Variants in PDK1 observed in about 807,000 individuals in gnomAD.
PDK1 encodes [Pyruvate dehydrogenase (acetyl-transferring)] kinase isozyme 1, mitochondrial.
In PDK1, 39 loss-of-function variants were observed where a neutral mutation model predicts 54.2. The ratio of observed to expected loss-of-function variants is 0.72; its 90% CI spans 0.56 to 0.94. The LOEUF is 0.94. PDK1 is among the 40% of genes least tolerant of loss of function. PDK1 has a pLI of 0.00. For missense variants in PDK1, 552 were observed against 566.0 expected (o/e 0.98, Z 0.25); for synonymous variants, 221 against 207.1 (o/e 1.07, Z -0.58).
the PDK1 span, among the ~76,000 whole-genome samples, chr2:172,681,536 A>G: frequency 9.2e-5 from 14 of 152,342 alleles, 1 homozygote; most frequent in Admixed American, 7.8e-4. Context: ...CATTCAACAA[A>G]TATTCATTGA....
intron 2 of PDK1, among the ~76,000 whole-genome samples, chr2:172,559,952 TC>T (rs1407347377): frequency 5.9e-5 from 9 of 152,302 alleles, no homozygotes; most frequent in African/African-American, 2.2e-4. Context: ...GCTCAGGTGA[TC>T]CTCCCACCTC....
the PDK1 span, among the ~76,000 whole-genome samples, chr2:172,661,258 TG>T: frequency 6.6e-6 from 1 of 152,338 alleles, no homozygotes; most frequent in East Asian, 1.9e-4. Context: ...TTAGGAATTT[TG>T]CAACCTGGTG....
the PDK1 span, among the ~76,000 whole-genome samples, chr2:172,683,475 G>A: frequency 2.0e-5 from 3 of 152,184 alleles, no homozygotes; most frequent in Non-Finnish European, 4.4e-5. Flanking sequence ...TCCAGTCATG[G>A]CAGAAGGTGA....
At chr2:172,717,199 G>A in the PDK1 span, among the ~76,000 whole-genome samples, 4 of 152,182 alleles carry the variant, frequency 2.6e-5, no homozygotes, top group Admixed American at 6.5e-5. Flanking sequence ...CACTCTAGGG[G>A]AAACCATGTT....
chr2:172,673,980 C>T, the PDK1 span, among the ~76,000 whole-genome samples: 1 of 152,240 alleles, frequency 6.6e-6, no homozygotes, highest in African/African-American at 2.4e-5. Context: ...TAAGTTTGAG[C>T]TTCCTTGGAT....
the PDK1 span, among the ~76,000 whole-genome samples, chr2:172,620,093 T>A: frequency 6.6e-6 from 1 of 152,246 alleles, no homozygotes; most frequent in Admixed American, 6.5e-5. Flanking sequence ...TTGAGCCTGG[T>A]AGGCGGAGGT....
At chr2:172,698,655 G>C in the PDK1 span, among the ~76,000 whole-genome samples, 4 of 152,240 alleles carry the variant, frequency 2.6e-5, no homozygotes, top group African/African-American at 9.6e-5. Flanking sequence ...GCTGTGGGAA[G>C]CCTCAGCATT....
chr2:172,659,135 C>T, the PDK1 span, among the ~76,000 whole-genome samples: 1 of 152,164 alleles, frequency 6.6e-6, no homozygotes, highest in Non-Finnish European at 1.5e-5. Flanking sequence ...AGTCCTACCA[C>T]TATGTGACGT....
the PDK1 span, among the ~76,000 whole-genome samples, chr2:172,689,895 C>T: frequency 1.3e-5 from 2 of 150,210 alleles, no homozygotes; most frequent in East Asian, 2.1e-4. Context: ...ACCATAAAAA[C>T]CCTAGAAGAA....
At chr2:172,649,482 G>A in the PDK1 span, among the ~76,000 whole-genome samples, 1 of 152,306 alleles carries the variant, frequency 6.6e-6, no homozygotes, top group East Asian at 1.9e-4. Context: ...GGTGGAGAAT[G>A]ACTTTGACGA....
rs1027876399 is a variant in PDK1 at position 172,601,711 on chromosome 2, G to A, written c.*5742G>A. The A allele has an allele frequency of 6.6e-6, 1 of 152,154 alleles. No homozygotes were observed. The highest frequency in any genetic ancestry group is 2.4e-5 in the African/African-American group (1 of 41,426). 9.4% of individuals were successfully genotyped at this position (152,154 alleles called of 1,614,324 possible). On this transcript the variant is annotated 3_prime_UTR_variant, in exon 11 of 11. Coordinates refer to ENST00000282077, the MANE Select transcript of PDK1 (RefSeq NM_002610.5). ...ATACTCGCTGGGTTAGCTGGGGTAG[G>A]TAAAGCCACAGCTGTGGCAGCAACC... is the stretch of plus-strand genomic sequence containing the variant.
rs1488896650 is a variant in PDK1, at chr2:172,600,815, A to G, written c.*4846A>G. On this transcript the variant is annotated 3_prime_UTR_variant, in exon 11 of 11. Transcript: ENST00000282077. The stretch of plus-strand genomic sequence containing the variant: ...AGCTCTTATCCCATTCCTTGACCAC[A>G]TAGGCTCTTAGACTCTTATTCTATG... 6.6e-6 allele frequency: 1 copy of G among 152,198 alleles called. No individual in the cohort carries two copies. The highest frequency in any genetic ancestry group is 6.5e-5 in the Admixed American group (1 of 15,278). The allele number at this position is 152,198 out of a possible 1,614,324, so 9.4% of individuals were successfully genotyped here.
intron 3 of PDK1, 109 bp downstream of exon 3, chr2:172,562,400 G>A (rs947369949): frequency 1.4e-6 from 1 of 724,274 alleles, no homozygotes; most frequent in Non-Finnish European, 2.5e-6. Context: ...ATATGTGACT[G>A]TAGCAGCCCA....
At chr2:172,570,557 C>A in intron 7 of PDK1, 169 bp from the exon 8 acceptor site, 1 of 473,992 alleles carries the variant, frequency 2.1e-6, no homozygotes, top group Non-Finnish European at 3.7e-6. Context: ...CAAATCCCCC[C>A]CAAATTGACT....
the PDK1 span, among the ~76,000 whole-genome samples, chr2:172,673,607 A>C: frequency 0.99 from 151,470 of 152,294 alleles, 75,336 homozygotes; most frequent in Non-Finnish European, 1. Flanking sequence ...CCTGCTCATG[A>C]CTGACTAGCT....
the PDK1 span, among the ~76,000 whole-genome samples, chr2:172,678,585 A>G: frequency 1.4e-4 from 22 of 152,210 alleles, no homozygotes; most frequent in Non-Finnish European, 2.8e-4. Context: ...GCTTTTTGAT[A>G]TAAACCAAAA....
the PDK1 span, among the ~76,000 whole-genome samples, chr2:172,683,156 C>T: frequency 2.0e-5 from 3 of 151,882 alleles, no homozygotes; most frequent in African/African-American, 4.8e-5. Flanking sequence ...ACCATTCTGG[C>T]GAACACAGTG....
chr2:172,652,315 A>G, the PDK1 span, among the ~76,000 whole-genome samples: 1,097 of 152,358 alleles, frequency 7.2e-3, 19 homozygotes, highest in African/African-American at 0.025. Context: ...GATAGGATGT[A>G]TCTCAAAATA....
rs1391120993 is a variant in PDK1 at position 172,594,230 on chromosome 2, G to A, written c.1170+1182G>A. On this transcript the variant is annotated intron_variant, in intron 10 of 10. Transcript: ENST00000282077. ...AGTAGAGATGGGGTTTGACCACGCTGGCTAGGCTGATCTCGAACTCCTGAC... is the reference window on the plus strand; with the variant it reads ...AGTAGAGATGGGGTTTGACCACGCTAGCTAGGCTGATCTCGAACTCCTGAC... Among the ~76,000 whole-genome samples the A allele has an allele frequency of 2.0e-5, 3 of 152,112 alleles. No individual in the cohort carries two copies. The East Asian group carries it at 5.8e-4, about 29-fold the overall frequency.
Sources: gnomAD v4.1 joint callset for allele counts (sites outside exome capture counted in the v4.1 genomes callset) on GRCh38, gnomAD v4.1.1 for gene constraint, MANE v1.5 for transcripts, NCBI Gene and HGNC (gene_info 2026-07-23, HGNC 2026-07-21) for gene names.